Variants in CFAP90 observed in about 807,000 individuals in gnomAD.
The protein encoded by CFAP90 is cilia and flagella associated protein 90.
chr5:7,846,977 GA>G, the CFAP90 span, among the ~76,000 whole-genome samples: 1 of 152,110 alleles, frequency 6.6e-6, no homozygotes, highest in Non-Finnish European at 1.5e-5. Context: ...TTGAACTCCT[GA>G]TCTCAAGTGA....
the CFAP90 span, chr5:7,835,612 G>A: frequency 1.5e-6 from 1 of 650,214 alleles, no homozygotes; most frequent in African/African-American, 1.8e-5. Flanking sequence ...TGCATGTGGT[G>A]AGTATGTGGT....
the CFAP90 span, chr5:7,830,691 C>G: frequency 6.6e-6 from 1 of 152,094 alleles, no homozygotes; most frequent in African/African-American, 2.4e-5. Context: ...TTTCCATATT[C>G]AAAACAATAA....
the CFAP90 span, among the ~76,000 whole-genome samples, chr5:7,838,546 C>T: frequency 1.1e-3 from 173 of 152,176 alleles, 1 homozygote; most frequent in Non-Finnish European, 1.3e-3. Context: ...AAAGACATTG[C>T]CACCCAGACC....
chr5:7,850,841 C>A, the CFAP90 span: 1 of 1,240,676 alleles, frequency 8.1e-7, no homozygotes, highest in Non-Finnish European at 1.0e-6. Flanking sequence ...GCCGCCCAGC[C>A]TTCCGGTCTC....
chr5:7,837,504 A>G, the CFAP90 span, among the ~76,000 whole-genome samples: 3 of 152,312 alleles, frequency 2.0e-5, no homozygotes, highest in Non-Finnish European at 4.4e-5. Flanking sequence ...GTAGGCAGTG[A>G]AAAGGATGCA....
At chr5:7,845,862 T>G in the CFAP90 span, among the ~76,000 whole-genome samples, 38 of 149,406 alleles carry the variant, frequency 2.5e-4, 2 homozygotes, top group South Asian at 8.0e-3. Flanking sequence ...GTGTGCAGCC[T>G]TCAGTGCGTC....
chr5:7,846,936 G>A, the CFAP90 span, among the ~76,000 whole-genome samples: 12 of 151,976 alleles, frequency 7.9e-5, no homozygotes, highest in Admixed American at 6.6e-4. Context: ...GTATAGATGG[G>A]GTTTCACCAC....
the CFAP90 span, among the ~76,000 whole-genome samples, chr5:7,836,863 T>C: frequency 6.6e-6 from 1 of 151,970 alleles, no homozygotes; most frequent in Admixed American, 6.6e-5. Context: ...AGAGACAAGA[T>C]TGAGAGACAA....
chr5:7,845,241 C>A, the CFAP90 span, among the ~76,000 whole-genome samples: 1 of 152,194 alleles, frequency 6.6e-6, no homozygotes, highest in Non-Finnish European at 1.5e-5. Context: ...CAGGTCCCTG[C>A]ATCAACATGT....
the CFAP90 span, among the ~76,000 whole-genome samples, chr5:7,832,989 C>G: frequency 5.3e-5 from 8 of 152,208 alleles, no homozygotes; most frequent in African/African-American, 1.9e-4. Context: ...TTCTGCTCCG[C>G]AAGACCAACT....
the CFAP90 span, among the ~76,000 whole-genome samples, chr5:7,842,813 A>G: frequency 5.3e-5 from 8 of 152,292 alleles, no homozygotes; most frequent in African/African-American, 1.9e-4. Flanking sequence ...GATTTGTAGT[A>G]TTTGATGATT....
At chr5:7,838,947 T>A in the CFAP90 span, among the ~76,000 whole-genome samples, 149 of 152,334 alleles carry the variant, frequency 9.8e-4, no homozygotes, top group African/African-American at 3.4e-3. Context: ...TCTGTTTTCA[T>A]GCTGCTGATA....
chr5:7,838,026 C>A, the CFAP90 span, among the ~76,000 whole-genome samples: 2 of 152,194 alleles, frequency 1.3e-5, no homozygotes, highest in Admixed American at 1.3e-4. Context: ...ACCACCCTGG[C>A]CTTCATGTCT....
chr5:7,846,423 T>A, the CFAP90 span, among the ~76,000 whole-genome samples: 1 of 152,222 alleles, frequency 6.6e-6, no homozygotes, highest in African/African-American at 2.4e-5. Context: ...ATCAAGGCGC[T>A]GGCAGATTTG....
At chr5:7,834,517 A>G in the CFAP90 span, among the ~76,000 whole-genome samples, 1 of 152,138 alleles carries the variant, frequency 6.6e-6, no homozygotes, top group Non-Finnish European at 1.5e-5. Flanking sequence ...GCCAAAGTGT[A>G]CAGTGCTTAT....
At chr5:7,833,683 A>G in the CFAP90 span, among the ~76,000 whole-genome samples, 2 of 152,190 alleles carry the variant, frequency 1.3e-5, no homozygotes, top group South Asian at 2.1e-4. Context: ...GCATACACAT[A>G]TACACATACA....
the CFAP90 span, chr5:7,830,622 G>C: frequency 6.6e-6 from 1 of 152,106 alleles, no homozygotes; most frequent in Non-Finnish European, 1.5e-5. Context: ...GAAATACTTA[G>C]GAGTCACTCA....
At chr5:7,848,303 G>A in the CFAP90 span, among the ~76,000 whole-genome samples, 1 of 152,220 alleles carries the variant, frequency 6.6e-6, no homozygotes, top group African/African-American at 2.4e-5. Context: ...CAGGGCTGCA[G>A]AGACAGATCT....
At chr5:7,841,999 T>C in the CFAP90 span, among the ~76,000 whole-genome samples, 2 of 152,116 alleles carry the variant, frequency 1.3e-5, no homozygotes, top group African/African-American at 2.4e-5. Flanking sequence ...AAAAAAATCC[T>C]GGTGACACCC....
Sources: gnomAD v4.1 joint callset for allele counts (sites outside exome capture counted in the v4.1 genomes callset) on GRCh38, gnomAD v4.1.1 for gene constraint, MANE v1.5 for transcripts, NCBI Gene and HGNC (gene_info 2026-07-23, HGNC 2026-07-21) for gene names.